The following CPEB3 variants were observed in gnomAD, a reference collection of about 807,000 sequenced individuals.
CPEB3 encodes cytoplasmic polyadenylation element binding protein 3.
A neutral mutation model predicts 67.2 loss-of-function variants in CPEB3; 20 were observed. The observed-to-expected ratio is 0.30, with a 90% CI of 0.21 to 0.43. The LOEUF is 0.43. CPEB3 is among the 20% of genes least tolerant of loss of function. The probability of loss-of-function intolerance (pLI) is 1.00; values close to 1 mark genes in which losing one functional copy is unlikely to be tolerated. For synonymous variants in CPEB3, 376 were observed against 393.1 expected, an observed-to-expected ratio of 0.96 and a Z score of 0.51; for missense variants, 746 against 968.6, an observed-to-expected ratio of 0.77 and a Z score of 3.05.
intron 2 of CPEB3, among the ~76,000 whole-genome samples, chr10:92,233,828 C>G (rs183410967): frequency 5.3e-5 from 8 of 151,976 alleles, no homozygotes; most frequent in Non-Finnish European, 1.2e-4. Flanking sequence ...GAGAGGGATA[C>G]GCAGGGTGCG....
At chr10:92,093,006 G>T (rs1707944315) in intron 7 of CPEB3, among the ~76,000 whole-genome samples, 1 of 152,058 alleles carries the variant, frequency 6.6e-6, no homozygotes, top group South Asian at 2.1e-4. Flanking sequence ...TATTTCTTTA[G>T]AATTTTAACC....
Position 92,240,145 on chromosome 10 carries a change from TCCGGGCCGTTGGGGG to T in CPEB3, c.191_205del (p.Ala64_Pro68del). ...GAGCGGTGATTCCATCTGCATCTTG[TCCGGGCCGTTGGGGG>T]CCGGGGGGGCAGCGGCTGGGCTGAG... On this transcript the variant is annotated inframe_deletion, in exon 2 of 10. Transcript: ENST00000265997. 1 of 1,563,862 alleles carries T rather than the reference TCCGGGCCGTTGGGGG, an allele frequency of 6.4e-7. No individual in the cohort carries two copies. The highest frequency in any genetic ancestry group is 8.7e-7 in the Non-Finnish European group (1 of 1,153,698).
At chr10:92,214,144 A>G (rs1454265292) in intron 2 of CPEB3, among the ~76,000 whole-genome samples, 1 of 152,146 alleles carries the variant, frequency 6.6e-6, no homozygotes, top group Non-Finnish European at 1.5e-5. Context: ...TTGTGGTGAT[A>G]TTAAGAGGTG....
At chr10:92,148,614 T>C (rs1846805683) in intron 4 of CPEB3, among the ~76,000 whole-genome samples, 1 of 152,182 alleles carries the variant, frequency 6.6e-6, no homozygotes, top group Non-Finnish European at 1.5e-5. Context: ...AATTTAATCT[T>C]GTTCACCACT....
At chr10:92,183,213 G>A (rs535106771) in intron 3 of CPEB3, among the ~76,000 whole-genome samples, 6 of 152,058 alleles carry the variant, frequency 3.9e-5, no homozygotes, top group East Asian at 1.9e-4. Flanking sequence ...TTTCATAAAC[G>A]TTTTCATATT....
intron 4 of CPEB3, among the ~76,000 whole-genome samples, chr10:92,172,922 A>C (rs1434921312): frequency 6.6e-6 from 1 of 152,228 alleles, no homozygotes; most frequent in African/African-American, 2.4e-5. Context: ...TTCAAAAGGA[A>C]GAATTAAAGC....
chr10:92,159,001 C>T (rs1197343265), intron 4 of CPEB3, among the ~76,000 whole-genome samples: 1 of 152,214 alleles, frequency 6.6e-6, no homozygotes, highest in African/African-American at 2.4e-5. Context: ...GTGGCTCACA[C>T]CTGTAATCCC....
chr10:92,227,254 C>T (rs111922457), intron 2 of CPEB3, among the ~76,000 whole-genome samples: 2 of 152,214 alleles, frequency 1.3e-5, no homozygotes, highest in African/African-American at 4.8e-5. Context: ...GATAATAATC[C>T]CTAATTCACA....
chr10:92,230,045 TA>T (rs770816715), intron 2 of CPEB3, among the ~76,000 whole-genome samples: 540 of 138,064 alleles, frequency 3.9e-3, no homozygotes, highest in East Asian at 9.7e-3. Flanking sequence ...AAACTCCGTC[TA>T]AAAAAAAAAA....
chr10:92,210,627 CTGAGGG>C (rs1850031056), intron 2 of CPEB3, among the ~76,000 whole-genome samples: 1 of 152,182 alleles, frequency 6.6e-6, no homozygotes, highest in Non-Finnish European at 1.5e-5. Flanking sequence ...CTTGGAAAAA[CTGAGGG>C]TATAATTCAA....
intron 4 of CPEB3, among the ~76,000 whole-genome samples, chr10:92,156,032 T>C (rs1847192211): frequency 6.6e-6 from 1 of 152,128 alleles, no homozygotes; most frequent in South Asian, 2.1e-4. Context: ...AATAAGCACT[T>C]AATAAGGGCT....
intron 7 of CPEB3, among the ~76,000 whole-genome samples, chr10:92,098,602 T>G (rs1468180767): frequency 5.3e-5 from 8 of 152,160 alleles, no homozygotes; most frequent in Admixed American, 2.0e-4. Context: ...TTTCCTCACT[T>G]ATTTCTTGCT....
chr10:92,078,902 C>T (rs1590087263), intron 9 of CPEB3, among the ~76,000 whole-genome samples: 1 of 152,094 alleles, frequency 6.6e-6, no homozygotes, highest in South Asian at 2.1e-4. Context: ...CTATAAATCC[C>T]TGGGGCAAGC....
intron 8 of CPEB3, among the ~76,000 whole-genome samples, chr10:92,085,954 C>T (rs1313597592): frequency 1.3e-5 from 2 of 152,052 alleles, no homozygotes; most frequent in East Asian, 3.9e-4. Flanking sequence ...TTTAGTTCAC[C>T]AGAGAGGAAA....
chr10:92,225,820 C>T (rs542894727), intron 2 of CPEB3, among the ~76,000 whole-genome samples: 10 of 152,176 alleles, frequency 6.6e-5, no homozygotes, highest in East Asian at 5.8e-4. Flanking sequence ...GGCAATTGGC[C>T]GGGTGCAGTG....
At position 92,240,155 on chromosome 10, in the gene CPEB3, TG is replaced by T; in HGVS notation, c.195del (p.Asn66ThrfsTer16). Reference sequence around the variant, plus strand: ...TCCATCTGCATCTTGTCCGGGCCGTTGGGGGCCGGGGGGGCAGCGGCTGGGC... The same window carrying T: ...TCCATCTGCATCTTGTCCGGGCCGTTGGGGCCGGGGGGGCAGCGGCTGGGC... ...ALSPAAAPPA[P>X]NGPDKMQMES... On this transcript the variant is annotated frameshift_variant, in exon 2 of 10. Coordinates refer to ENST00000265997, the MANE Select transcript of CPEB3 (RefSeq NM_014912.5). LOFTEE classifies it high-confidence loss of function. 2 of 1,556,416 alleles carry T rather than the reference TG, an allele frequency of 1.3e-6. No homozygotes were observed. The highest frequency in any genetic ancestry group is 2.4e-5 in the East Asian group (1 of 42,370).
In CPEB3 at chr10:92,240,168, G is replaced by C. The variant is rs753959123; in HGVS notation, c.183C>G (p.Ala61=). The change falls in exon 2 of 10, where the codon GCC becomes GCG. Residue 61 remains alanine (A), a synonymous_variant. Transcript: ENST00000265997. ...TGTCCGGGCCGTTGGGGGCCGGGGG[G>C]GCAGCGGCTGGGCTGAGGGCCGGCA... The part of the protein sequence containing the change: ...SAVPALSPAA[A]PPAPNGPDKM... 3.2e-6 allele frequency: 5 copies of C among 1,543,970 alleles called. No homozygotes were observed. The African/African-American group carries it at 6.8e-5, about 21-fold the overall frequency.
At chr10:92,149,032 C>T (rs550597476) in intron 4 of CPEB3, among the ~76,000 whole-genome samples, 1 of 152,060 alleles carries the variant, frequency 6.6e-6, no homozygotes, top group South Asian at 2.1e-4. Context: ...TCCCCAGTAG[C>T]TGGGATTATA....
intron 1 of CPEB3, among the ~76,000 whole-genome samples, chr10:92,247,638 C>A (rs774534392): frequency 6.6e-6 from 1 of 152,070 alleles, no homozygotes; most frequent in Non-Finnish European, 1.5e-5. Context: ...CTCAGGTGAT[C>A]CACCCACCTT....
Sources: allele counts gnomAD v4.1 joint callset (sites outside exome capture counted in the v4.1 genomes callset), GRCh38; gene constraint gnomAD v4.1.1; transcripts MANE v1.5; gene names NCBI Gene and HGNC (gene_info 2026-07-23, HGNC 2026-07-21).